The following CMTM7 variants were observed in gnomAD, a reference collection of about 807,000 sequenced individuals.
CMTM7 encodes the protein CKLF like MARVEL transmembrane domain containing 7.
CMTM7 carries 7 observed loss-of-function variants against 19.3 expected under a neutral mutation model. The ratio of observed to expected loss-of-function variants is 0.36; its 90% CI spans 0.21 to 0.68. The LOEUF (loss-of-function observed/expected upper bound fraction) is 0.68, where lower values mean the gene tolerates loss of function less well. CMTM7 is among the 30% of genes least tolerant of loss of function. The probability of loss-of-function intolerance (pLI) is 0.60; values close to 1 mark genes in which losing one functional copy is unlikely to be tolerated. For synonymous variants in CMTM7, 87 were observed against 99.3 expected (o/e 0.88, Z 0.74); for missense variants, 193 against 232.6 (o/e 0.83, Z 1.11).
At chr3:32,411,505 G>A (rs1261566042) in intron 1 of CMTM7, among the ~76,000 whole-genome samples, 1 of 152,174 alleles carries the variant, frequency 6.6e-6, no homozygotes. Flanking sequence ...GAGCCATGCA[G>A]CATTTCTCAG....
At chr3:32,408,040 A>G (rs1696114218) in intron 1 of CMTM7, among the ~76,000 whole-genome samples, 1 of 152,150 alleles carries the variant, frequency 6.6e-6, no homozygotes, top group Admixed American at 6.5e-5. Flanking sequence ...ATATGGGTGG[A>G]CCCTAAATCC....
At position 32,452,483 on chromosome 3, in the gene CMTM7, G is replaced by A. The variant is rs1163508082; in HGVS notation, c.514+10G>A. On this transcript the variant is annotated intron_variant, in intron 4 of 4. Coordinates refer to ENST00000334983, the MANE Select transcript of CMTM7 (RefSeq NM_138410.4). ...GTAACCCAGTCCACAGGTGAGTTCT[G>A]GTTATCTGTGCACAGAGGATCTCTC... 1.2e-6 allele frequency: 2 copies of A among 1,613,122 alleles called. No homozygotes were observed. Among genetic ancestry groups the A allele is most frequent in the South Asian group, 1.1e-5 (1 of 91,060 alleles).
At chr3:32,415,851 C>T (rs960177804) in intron 1 of CMTM7, among the ~76,000 whole-genome samples, 4 of 152,212 alleles carry the variant, frequency 2.6e-5, no homozygotes, top group Non-Finnish European at 5.9e-5. Context: ...CTATGCTAGT[C>T]CCTTTGATAA....
intron 2 of CMTM7, among the ~76,000 whole-genome samples, chr3:32,446,676 C>G (rs1199502544): frequency 2.0e-5 from 3 of 152,064 alleles, no homozygotes. Context: ...GGGCAGATCC[C>G]TTGTGAATGA....
intron 1 of CMTM7, among the ~76,000 whole-genome samples, chr3:32,413,163 A>G (rs950272738): frequency 6.6e-6 from 1 of 152,196 alleles, no homozygotes; most frequent in Non-Finnish European, 1.5e-5. Context: ...AGTTGCAATA[A>G]AGATTGTGTG....
At chr3:32,454,086 A>G (rs995762605) in intron 4 of CMTM7, among the ~76,000 whole-genome samples, 155 bp from the exon 5 acceptor site, 10 of 152,158 alleles carry the variant, frequency 6.6e-5, no homozygotes, top group African/African-American at 2.4e-4. Flanking sequence ...TTGGAAATGT[A>G]TTTTTAAAAA....
chr3:32,411,644 G>A (rs905153371), intron 1 of CMTM7, among the ~76,000 whole-genome samples: 9 of 152,226 alleles, frequency 5.9e-5, no homozygotes, highest in Non-Finnish European at 1.0e-4. Context: ...TACCCTGGGG[G>A]TCAAGGTGCT....
chr3:32,443,131 C>G (rs1257523368), intron 2 of CMTM7, among the ~76,000 whole-genome samples: 3 of 152,134 alleles, frequency 2.0e-5, no homozygotes, highest in Non-Finnish European at 2.9e-5. Flanking sequence ...CAGGGTCTCA[C>G]TCTGTCACCC....
chr3:32,406,600 TAGGGAACAAGA>T (rs1320075185), intron 1 of CMTM7, among the ~76,000 whole-genome samples: 1 of 152,216 alleles, frequency 6.6e-6, no homozygotes, highest in Non-Finnish European at 1.5e-5. Context: ...GGAGTCTAAG[TAGGGAACAAGA>T]AGACCTGCTT....
intron 1 of CMTM7, among the ~76,000 whole-genome samples, chr3:32,427,821 G>C (rs1696456277): frequency 6.6e-6 from 1 of 152,190 alleles, no homozygotes; most frequent in South Asian, 2.1e-4. Flanking sequence ...GGAGTTTGGG[G>C]CTATTCCTTG....
chr3:32,428,070 C>T (rs779369237), intron 1 of CMTM7, among the ~76,000 whole-genome samples: 5 of 152,186 alleles, frequency 3.3e-5, no homozygotes, highest in Admixed American at 6.5e-5. Flanking sequence ...TGGGTAAATA[C>T]GGTCCTTCCT....
At chr3:32,430,961 C>G (rs561656282) in intron 1 of CMTM7, among the ~76,000 whole-genome samples, 2 of 152,174 alleles carry the variant, frequency 1.3e-5, no homozygotes, top group Non-Finnish European at 2.9e-5. Flanking sequence ...TTCATTCATT[C>G]ACTTATTCAG....
chr3:32,394,560 A>G (rs1354894892), intron 1 of CMTM7, among the ~76,000 whole-genome samples: 1 of 152,178 alleles, frequency 6.6e-6, no homozygotes, highest in African/African-American at 2.4e-5. Flanking sequence ...TTTCTGAGTG[A>G]ATGTGTGTAC....
chr3:32,454,519 T>C lies in CMTM7; in HGVS notation c.*265T>C. On this transcript the variant is annotated 3_prime_UTR_variant, in exon 5 of 5. Coordinates refer to ENST00000334983, the MANE Select transcript of CMTM7 (RefSeq NM_138410.4). ...AGCCTCCAGGGAAATGTTTTCTGCCTTCCTGCTTCTAGAACCACCTCAGGT... is the reference window on the plus strand; with the variant it reads ...AGCCTCCAGGGAAATGTTTTCTGCCCTCCTGCTTCTAGAACCACCTCAGGT... 1 of 678,144 alleles carries C rather than the reference T, an allele frequency of 1.5e-6. No individual in the cohort carries two copies. The highest frequency in any genetic ancestry group is 2.7e-6 in the Non-Finnish European group (1 of 370,178). 42.0% of individuals were successfully genotyped at this position (678,144 alleles called of 1,614,324 possible). A position where few individuals can be genotyped will look rare whatever the true frequency, so the allele number is the denominator to read the frequency against.
At chr3:32,393,651 T>G (rs891668425) in intron 1 of CMTM7, among the ~76,000 whole-genome samples, 4 of 151,696 alleles carry the variant, frequency 2.6e-5, no homozygotes, top group Non-Finnish European at 4.4e-5. Flanking sequence ...AAACCTTGTG[T>G]GGTTGGCATG....
intron 1 of CMTM7, among the ~76,000 whole-genome samples, chr3:32,402,371 C>T (rs188759127): frequency 3.9e-4 from 60 of 152,244 alleles, no homozygotes; most frequent in African/African-American, 1.3e-3. Flanking sequence ...CTTGGCCTCC[C>T]AAAGTGCTGG....
At chr3:32,435,646 G>A (rs927305678) in intron 1 of CMTM7, among the ~76,000 whole-genome samples, 2 of 152,146 alleles carry the variant, frequency 1.3e-5, no homozygotes, top group African/African-American at 4.8e-5. Context: ...TAAAGGCCAG[G>A]ATGCTGTGAT....
chr3:32,414,809 G>A (rs555124910), intron 1 of CMTM7, among the ~76,000 whole-genome samples: 49 of 152,288 alleles, frequency 3.2e-4, no homozygotes, highest in African/African-American at 1.1e-3. Flanking sequence ...GGAACTGTGC[G>A]TAGTGCTTTT....
intron 1 of CMTM7, among the ~76,000 whole-genome samples, chr3:32,407,435 T>C (rs1190056655): frequency 2.0e-5 from 3 of 152,210 alleles, no homozygotes; most frequent in Non-Finnish European, 4.4e-5. Flanking sequence ...TGCAGCCTTT[T>C]ATGGGAGAGT....
Sources: allele counts gnomAD v4.1 joint callset (sites outside exome capture counted in the v4.1 genomes callset), GRCh38; gene constraint gnomAD v4.1.1; transcripts MANE v1.5; gene names NCBI Gene and HGNC (gene_info 2026-07-23, HGNC 2026-07-21).